The following TRHDE variants were observed in gnomAD, a reference collection of about 807,000 sequenced individuals.
The protein encoded by TRHDE is thyrotropin releasing hormone degrading enzyme, also known as thyrotropin-releasing hormone-degrading ectoenzyme.
In TRHDE, 72 loss-of-function variants were observed where a neutral mutation model predicts 125.7. The observed-to-expected ratio is 0.57, with a 90% confidence interval of 0.47 to 0.70. TRHDE has a LOEUF of 0.70. TRHDE is among the 30% of genes least tolerant of loss of function. The pLI is 0.00. For missense variants in TRHDE, 1,110 were observed against 1,327.1 expected (o/e 0.84, Z 2.54); for synonymous variants, 509 against 509.1 (o/e 1.00, Z 0.00).
At chr12:72,091,650 A>G (rs970410267) in intron 1 of TRHDE, among the ~76,000 whole-genome samples, 69 of 152,330 alleles carry the variant, frequency 4.5e-4, no homozygotes, top group African/African-American at 1.5e-3. Flanking sequence ...TGATCAACTC[A>G]GTATACCACT....
chr12:72,351,313 A>G (rs751955036), intron 2 of TRHDE, among the ~76,000 whole-genome samples: 3 of 151,944 alleles, frequency 2.0e-5, no homozygotes, highest in Non-Finnish European at 4.4e-5. Context: ...ACGAAAGTTT[A>G]TATTACAGAA....
intron 6 of TRHDE, among the ~76,000 whole-genome samples, chr12:72,519,414 C>T (rs557478666): frequency 1.3e-5 from 2 of 152,144 alleles, no homozygotes; most frequent in Non-Finnish European, 2.9e-5. Context: ...ATCGCTGAAC[C>T]CTTTCTTCCA....
intron 1 of TRHDE, among the ~76,000 whole-genome samples, chr12:72,100,217 A>G (rs777652057): frequency 1.3e-5 from 2 of 152,196 alleles, no homozygotes; most frequent in Non-Finnish European, 2.9e-5. Context: ...AGGGGCAAAA[A>G]TAATACTGTG....
At position 72,430,454 on chromosome 12, in the gene TRHDE, T is replaced by C. The variant is rs567403496; in HGVS notation, c.1316-39304T>C. 4.7e-5 allele frequency among the ~76,000 whole-genome samples: 7 copies of C among 149,224 alleles called. No individual in the cohort carries two copies. In the South Asian group the frequency reaches 1.5e-3, roughly 31 times the overall value. Reference sequence around the variant, plus strand: ...ATATATATACACACACGTATATATATGTGTATATATATACACACATATATA... The same window carrying C: ...ATATATATACACACACGTATATATACGTGTATATATATACACACATATATA... On this transcript the variant is annotated intron_variant, in intron 3 of 18. Coordinates refer to ENST00000261180, the MANE Select transcript of TRHDE (RefSeq NM_013381.3).
At chr12:72,287,231 A>G (rs1278182605) in intron 2 of TRHDE, among the ~76,000 whole-genome samples, 1 of 151,982 alleles carries the variant, frequency 6.6e-6, no homozygotes, top group Non-Finnish European at 1.5e-5. Context: ...ACTATTGTAC[A>G]TCTCTGGAAC....
chr12:72,307,914 T>A (rs1295445828), intron 2 of TRHDE, among the ~76,000 whole-genome samples: 1 of 152,218 alleles, frequency 6.6e-6, no homozygotes, highest in East Asian at 1.9e-4. Context: ...TATGTGCACC[T>A]GTAAAAATGA....
At chr12:72,179,807 G>A (rs1877059695) in intron 2 of TRHDE, among the ~76,000 whole-genome samples, 1 of 152,044 alleles carries the variant, frequency 6.6e-6, no homozygotes. Flanking sequence ...TATACAGTAA[G>A]CATTTGTTAA....
chr12:72,264,486 T>C (rs1879021446), intron 2 of TRHDE: 1 of 152,042 alleles, frequency 6.6e-6, no homozygotes, highest in African/African-American at 2.4e-5. Flanking sequence ...ACTTACGTTA[T>C]GCAAGATAAG....
chr12:72,517,780 T>G (rs1287909356), intron 6 of TRHDE, among the ~76,000 whole-genome samples: 14 of 151,458 alleles, frequency 9.2e-5, no homozygotes, highest in African/African-American at 2.9e-4. Context: ...TTGTGGGCAT[T>G]TAGTGCTATA....
At chr12:72,356,743 T>A (rs550233232) in intron 2 of TRHDE, among the ~76,000 whole-genome samples, 1 of 151,422 alleles carries the variant, frequency 6.6e-6, no homozygotes, top group East Asian at 2.0e-4. Flanking sequence ...TGGATTGGAT[T>A]TGGGATGGTT....
At chr12:72,600,208 T>C (rs1872153769) in intron 12 of TRHDE, among the ~76,000 whole-genome samples, 1 of 152,120 alleles carries the variant, frequency 6.6e-6, no homozygotes, top group Non-Finnish European at 1.5e-5. Flanking sequence ...TTTTGTTCTT[T>C]TTGCTTAGGA....
At chr12:72,224,548 AGGGAGGGTTGT>A (rs1268710604) in intron 2 of TRHDE, among the ~76,000 whole-genome samples, 4 of 152,060 alleles carry the variant, frequency 2.6e-5, no homozygotes, top group African/African-American at 9.7e-5. Context: ...TGATTCCCCA[AGGGAGGGTTGT>A]GGGAGAGATT....
chr12:72,390,338 C>A lies in TRHDE; in HGVS notation c.1315+12217C>A, dbSNP rs146632057. ...TTGGTCAATCTGGAGTTAATTATAG[C>A]CAAATAGCAATCCAAAGCCCCAGAG... On this transcript the variant is annotated intron_variant, in intron 3 of 18. Transcript: ENST00000261180. 8.8e-3 allele frequency among the ~76,000 whole-genome samples: 1,339 copies of A among 152,154 alleles called. 69 individuals carry two copies. The highest frequency in any genetic ancestry group is 0.078 in the Admixed American group (1,190 of 15,270).
chr12:72,467,682 G>A (rs111914709), intron 3 of TRHDE, among the ~76,000 whole-genome samples: 2,043 of 152,190 alleles, frequency 0.013, 49 homozygotes, highest in African/African-American at 0.046. Context: ...GGGCATGGTG[G>A]CGCGTGCCTG....
At chr12:72,291,746 G>A (rs2139434836) in intron 2 of TRHDE, among the ~76,000 whole-genome samples, 1 of 152,312 alleles carries the variant, frequency 6.6e-6, no homozygotes, top group South Asian at 2.1e-4. Flanking sequence ...AAGTATACAG[G>A]AAGACATGCA....
chr12:72,157,703 G>C (rs1876548646), intron 2 of TRHDE, among the ~76,000 whole-genome samples: 1 of 152,290 alleles, frequency 6.6e-6, no homozygotes, highest in African/African-American at 2.4e-5. Flanking sequence ...GTTCGTTTGA[G>C]TATTAAGCAG....
chr12:72,627,272 A>G (rs1873298228), intron 15 of TRHDE, among the ~76,000 whole-genome samples: 1 of 151,940 alleles, frequency 6.6e-6, no homozygotes, highest in East Asian at 1.9e-4. Context: ...CACTCACTCA[A>G]TATAAAACTT....
chr12:72,448,861 C>T (rs775626267), intron 3 of TRHDE, among the ~76,000 whole-genome samples: 3 of 150,624 alleles, frequency 2.0e-5, no homozygotes, highest in Non-Finnish European at 3.0e-5. Flanking sequence ...GTGTGGAAGA[C>T]GCAAAGGAAT....
chr12:72,221,653 G>C (rs988776833), intron 2 of TRHDE, among the ~76,000 whole-genome samples: 2 of 152,070 alleles, frequency 1.3e-5, no homozygotes, highest in African/African-American at 4.8e-5. Flanking sequence ...ATTTGACCTA[G>C]TAGGTGTGGC....
Sources: gnomAD v4.1 joint callset for allele counts (sites outside exome capture counted in the v4.1 genomes callset) on GRCh38, gnomAD v4.1.1 for gene constraint, MANE v1.5 for transcripts, NCBI Gene and HGNC (gene_info 2026-07-23, HGNC 2026-07-21) for gene names.